The following ANKMY1 variants were observed in gnomAD, a reference collection of about 807,000 sequenced individuals.
The protein encoded by ANKMY1 is ankyrin repeat and MYND domain-containing protein 1.
A neutral mutation model predicts 102.0 loss-of-function variants in ANKMY1; 98 were observed. The observed-to-expected ratio is 0.96, with a 90% confidence interval of 0.82 to 1.14. ANKMY1 has a LOEUF of 1.14. ANKMY1 is among the 50% of genes most tolerant of loss of function. ANKMY1 has a pLI of 0.00. For synonymous variants in ANKMY1, 582 were observed against 559.9 expected, an observed-to-expected ratio of 1.04 and a Z score of -0.56; for missense variants, 1,330 against 1,347.6, an observed-to-expected ratio of 0.99 and a Z score of 0.20.
intron 4 of ANKMY1, among the ~76,000 whole-genome samples, chr2:240,538,789 A>G (rs543508775): frequency 6.6e-6 from 1 of 152,300 alleles, no homozygotes; most frequent in South Asian, 2.1e-4. Flanking sequence ...TTGTAAATGC[A>G]CCAGTCAGCA....
In ANKMY1 at chr2:240,520,247, G is replaced by T; in HGVS notation, c.2004+115C>A. 6.9e-7 allele frequency: 1 copy of T among 1,450,730 alleles called. No individual in the cohort carries two copies. 89.9% of individuals were successfully genotyped at this position (1,450,730 alleles called of 1,614,324 possible). On this transcript the variant is annotated intron_variant, in intron 9 of 17. Coordinates refer to ENST00000401804, the MANE Select transcript of ANKMY1 (RefSeq NM_001282771.3). This position sits in a 1 kb window ranked among gnomAD's most constrained non-coding sequence, Gnocchi z 4.8. The stretch of plus-strand genomic sequence containing the variant: ...GCCGTCATCACTCACAGCCCAGGTG[G>T]TCGCCTGCAAGAGCCCACCCCTCTC...
At position 240,526,278 on chromosome 2, in the gene ANKMY1, C is replaced by A. The variant is rs776975337; in HGVS notation, c.1121G>T (p.Ser374Ile). 23 of 1,614,088 alleles carry A rather than the reference C, an allele frequency of 1.4e-5. No individual in the cohort carries two copies. The highest frequency in any genetic ancestry group is 2.7e-5 in the African/African-American group (2 of 74,946). The stretch of plus-strand genomic sequence containing the variant: ...GCCCTTTGCGTCCGCCACGTCAGCA[C>A]TAGCAAAGTTGTCCTTCAGGATCCT... ...ICRILKDNFA[S>I]ADVADAKGYT... The change falls in exon 6 of 18, where the codon AGT becomes ATT. Residue 374 changes from serine (S) to isoleucine (I), a missense_variant. Coordinates refer to ENST00000401804, the MANE Select transcript of ANKMY1 (RefSeq NM_001282771.3).
chr2:240,550,322 A>G (rs2091267438), intron 4 of ANKMY1, among the ~76,000 whole-genome samples: 1 of 139,240 alleles, frequency 7.2e-6, no homozygotes, highest in African/African-American at 2.7e-5. Flanking sequence ...ACGAGAACAC[A>G]TGGACACAGG....
chr2:240,513,516 C>A (rs911397401), intron 9 of ANKMY1, among the ~76,000 whole-genome samples: 12 of 152,244 alleles, frequency 7.9e-5, no homozygotes, highest in African/African-American at 1.4e-4. Flanking sequence ...GCTCCCCAGT[C>A]CCTTAAAGAC....
intron 15 of ANKMY1, among the ~76,000 whole-genome samples, chr2:240,494,437 C>A (rs1257748449): frequency 6.6e-6 from 1 of 152,188 alleles, no homozygotes; most frequent in Non-Finnish European, 1.5e-5. Flanking sequence ...CAGATCACAG[C>A]AGTGCTCACT....
chr2:240,507,289 C>A (rs2079240366), intron 13 of ANKMY1, among the ~76,000 whole-genome samples: 1 of 151,580 alleles, frequency 6.6e-6, no homozygotes, highest in South Asian at 2.1e-4. Context: ...CACCCCCAGA[C>A]CCCACATTCC....
rs2091747363 is a variant in ANKMY1, at chr2:240,552,812, C to T, written c.480+102G>A. 6 of 1,566,354 alleles carry T rather than the reference C, an allele frequency of 3.8e-6. No homozygotes were observed. The Middle Eastern group carries it at 5.0e-4, about 131-fold the overall frequency. On this transcript the variant is annotated intron_variant, in intron 4 of 17. Transcript: ENST00000401804. ...TTAAAAGTAAAAAAGCTACTTGTAG[C>T]TAAACAAATAAACTTCCCCAGGACC...
chr2:240,469,698 C>T, the ANKMY1 span, among the ~76,000 whole-genome samples: 2 of 152,230 alleles, frequency 1.3e-5, no homozygotes, highest in Non-Finnish European at 2.9e-5. Flanking sequence ...ACACATACAA[C>T]ACCCTGTACA....
At chr2:240,484,429 C>A (rs1029703865) in intron 15 of ANKMY1, among the ~76,000 whole-genome samples, 3 of 152,146 alleles carry the variant, frequency 2.0e-5, no homozygotes, top group Admixed American at 2.0e-4. Context: ...TTTGACAAAC[C>A]TGACAAAAAC....
At chr2:240,532,597 CTAGA>C (rs777290566) in intron 4 of ANKMY1, among the ~76,000 whole-genome samples, 4 of 152,138 alleles carry the variant, frequency 2.6e-5, no homozygotes, top group African/African-American at 4.8e-5. Flanking sequence ...CTCAGAGAGA[CTAGA>C]TAGATAGACA....
At chr2:240,511,075 A>C (rs1472627596) in intron 11 of ANKMY1, among the ~76,000 whole-genome samples, 1 of 151,784 alleles carries the variant, frequency 6.6e-6, no homozygotes, top group Non-Finnish European at 1.5e-5. Context: ...GGAGGCTCTG[A>C]CCAGACAGGG....
At chr2:240,519,461 G>A (rs1223220571) in intron 9 of ANKMY1, among the ~76,000 whole-genome samples, 1 of 152,224 alleles carries the variant, frequency 6.6e-6, no homozygotes, top group Non-Finnish European at 1.5e-5. Context: ...CATCCCCTGT[G>A]AACCTAACGA....
At chr2:240,503,530 C>T (rs763445902) in intron 13 of ANKMY1, among the ~76,000 whole-genome samples, 2 of 152,152 alleles carry the variant, frequency 1.3e-5, no homozygotes, top group Non-Finnish European at 2.9e-5. Flanking sequence ...GGTCAAGGTT[C>T]GAGCTTCACG....
At position 240,525,689 on chromosome 2, in the gene ANKMY1, G is replaced by A; in HGVS notation, c.1331C>T (p.Pro444Leu). 1 of 1,613,872 alleles carries A rather than the reference G, an allele frequency of 6.2e-7. No individual in the cohort carries two copies. Among genetic ancestry groups the A allele is most frequent in the Non-Finnish European group, 8.5e-7 (1 of 1,179,902 alleles). Residue 444 changes from proline (P) to leucine (L), a missense_variant, in exon 7 of 18, where the codon CCC becomes CTC. Physicochemically the swap from Pro to Leu is moderately conservative, Grantham distance 98 (BLOSUM62 -3). Transcript: ENST00000401804. ...AGTGGCCACCGGGGGGCTTACCTGG[G>A]GCTCAGGTATGGTCCGTTCAGCAAC... ...PNVAERTIPE[P>L]QEPPKFPVVP...
chr2:240,484,395 C>T (rs1335710278), intron 15 of ANKMY1, among the ~76,000 whole-genome samples: 5 of 152,138 alleles, frequency 3.3e-5, no homozygotes, highest in Non-Finnish European at 7.3e-5. Context: ...AGAAATAATG[C>T]CATACATCTA....
At chr2:240,530,438 G>A (rs1453424973) in intron 4 of ANKMY1, among the ~76,000 whole-genome samples, 1 of 152,136 alleles carries the variant, frequency 6.6e-6, no homozygotes, top group Non-Finnish European at 1.5e-5. Context: ...AGATCTGCTT[G>A]TTTAAAAGCA....
intron 4 of ANKMY1, among the ~76,000 whole-genome samples, chr2:240,547,745 A>G (rs1433203782): frequency 2.0e-5 from 3 of 149,142 alleles, no homozygotes; most frequent in African/African-American, 4.9e-5. Flanking sequence ...CTCTACGCAA[A>G]TAAACTAGAA....
intron 4 of ANKMY1, among the ~76,000 whole-genome samples, chr2:240,539,294 T>C (rs555250504): frequency 1.3e-5 from 2 of 151,250 alleles, no homozygotes; most frequent in South Asian, 4.2e-4. Context: ...CGAACAACTC[T>C]GGACCAGAGG....
intron 4 of ANKMY1, among the ~76,000 whole-genome samples, chr2:240,551,495 A>G (rs948129046): frequency 1.3e-5 from 2 of 152,252 alleles, no homozygotes; most frequent in Non-Finnish European, 2.9e-5. Flanking sequence ...AGTTTAGGAC[A>G]GCCTATGCGA....
Sources: allele counts gnomAD v4.1 joint callset (sites outside exome capture counted in the v4.1 genomes callset), GRCh38; gene constraint gnomAD v4.1.1; non-coding constraint Gnocchi (gnomAD v3.1); transcripts MANE v1.5; gene names NCBI Gene and HGNC (gene_info 2026-07-23, HGNC 2026-07-21).